Variants in RANBP2 observed in about 807,000 individuals in gnomAD.
RANBP2 encodes the protein E3 SUMO-protein ligase RanBP2.
A neutral mutation model predicts 303.6 loss-of-function variants in RANBP2; 57 were observed. The ratio of observed to expected loss-of-function variants is 0.19; its 90% CI spans 0.15 to 0.23. RANBP2 has a LOEUF of 0.23. Ranked by LOEUF, RANBP2 falls within the 10% of genes least tolerant of loss-of-function variation. The pLI is 1.00. For synonymous variants in RANBP2, 1,167 were observed against 1,301.5 expected (o/e 0.90, Z 2.23); for missense variants, 3,138 against 3,780.8 (o/e 0.83, Z 4.46).
At chr2:109,524,444 CA>C in the RANBP2 span, among the ~76,000 whole-genome samples, 18,062 of 84,432 alleles carry the variant, frequency 0.21, 1,300 homozygotes, top group Non-Finnish European at 0.25. Flanking sequence ...GACCCTGTCT[CA>C]AAAAAAAAAA....
At chr2:109,105,285 A>G in the RANBP2 span, among the ~76,000 whole-genome samples, 1 of 152,192 alleles carries the variant, frequency 6.6e-6, no homozygotes, top group Non-Finnish European at 1.5e-5. Flanking sequence ...TTGACTGGGA[A>G]GGGAAAAGTG....
the RANBP2 span, among the ~76,000 whole-genome samples, chr2:109,294,053 A>G: frequency 1.3e-5 from 2 of 152,136 alleles, no homozygotes; most frequent in East Asian, 3.9e-4. Flanking sequence ...CTCTGCCTGG[A>G]AAGTGACCTG....
chr2:109,615,111 C>G, the RANBP2 span: 4,844 of 1,549,820 alleles, frequency 3.1e-3, 130 homozygotes, highest in African/African-American at 0.059. Flanking sequence ...CCTCCGTGAC[C>G]TGGTGATGGG....
At chr2:109,760,784 G>A in the RANBP2 span, among the ~76,000 whole-genome samples, 1 of 141,152 alleles carries the variant, frequency 7.1e-6, no homozygotes, top group Non-Finnish European at 1.5e-5. Flanking sequence ...AAGTCCCCGT[G>A]CCGGCCGCTT....
At chr2:108,725,786 C>T (rs13411882) in intron 1 of RANBP2, among the ~76,000 whole-genome samples, 382 of 149,862 alleles carry the variant, frequency 2.5e-3, no homozygotes, top group African/African-American at 8.4e-3. Flanking sequence ...GTCCTGACTG[C>T]TGTGTATTAT....
chr2:109,307,687 T>C, the RANBP2 span, among the ~76,000 whole-genome samples: 1 of 147,058 alleles, frequency 6.8e-6, no homozygotes, highest in African/African-American at 2.6e-5. Context: ...GGTTTTTTGC[T>C]CTTGCGATAG....
chr2:109,147,752 C>T, the RANBP2 span, among the ~76,000 whole-genome samples: 1 of 152,148 alleles, frequency 6.6e-6, no homozygotes, highest in Non-Finnish European at 1.5e-5. Context: ...TAAATATTTA[C>T]GAAGTTAACA....
the RANBP2 span, among the ~76,000 whole-genome samples, chr2:109,627,059 T>C: frequency 6.6e-6 from 1 of 152,102 alleles, no homozygotes; most frequent in South Asian, 2.1e-4. Context: ...TCCAAGCTAC[T>C]TGGGAGGCTG....
chr2:109,283,733 C>T, the RANBP2 span, among the ~76,000 whole-genome samples: 1 of 152,202 alleles, frequency 6.6e-6, no homozygotes, highest in East Asian at 1.9e-4. Flanking sequence ...AATCGCTGGC[C>T]TGAGCCACAG....
chr2:109,530,098 C>T, the RANBP2 span, among the ~76,000 whole-genome samples: 1 of 152,206 alleles, frequency 6.6e-6, no homozygotes, highest in Non-Finnish European at 1.5e-5. Flanking sequence ...TGGCCCTCTC[C>T]CGCATAGAAG....
At chr2:109,009,319 G>A in the RANBP2 span, among the ~76,000 whole-genome samples, 30 of 151,914 alleles carry the variant, frequency 2.0e-4, no homozygotes, top group African/African-American at 4.8e-4. Flanking sequence ...CAGCCTGGGC[G>A]ACAGAGTGAG....
At chr2:108,816,038 TG>T in the RANBP2 span, 8 of 1,613,746 alleles carry the variant, frequency 5.0e-6, no homozygotes, top group Admixed American at 3.3e-5. Context: ...GAATCTGGAA[TG>T]GATGGTAAAA....
At chr2:109,378,069 C>A in the RANBP2 span, among the ~76,000 whole-genome samples, 1 of 152,196 alleles carries the variant, frequency 6.6e-6, no homozygotes, top group Admixed American at 6.5e-5. Context: ...CTGGGCCAGG[C>A]GGGATGTGTT....
At chr2:109,639,565 G>A in the RANBP2 span, among the ~76,000 whole-genome samples, 5 of 151,836 alleles carry the variant, frequency 3.3e-5, no homozygotes, top group African/African-American at 4.8e-5. Context: ...GTTGCAGTGA[G>A]CCGAGATTGC....
the RANBP2 span, among the ~76,000 whole-genome samples, chr2:109,656,494 T>C: frequency 6.6e-6 from 1 of 152,122 alleles, no homozygotes; most frequent in Non-Finnish European, 1.5e-5. Flanking sequence ...TGTGCCACCA[T>C]GTCCAGCTAA....
the RANBP2 span, among the ~76,000 whole-genome samples, chr2:109,661,229 G>A: frequency 6.8e-6 from 1 of 146,588 alleles, no homozygotes; most frequent in Non-Finnish European, 1.5e-5. Context: ...GGGCATGAGG[G>A]AGCATTAGTA....
the RANBP2 span, among the ~76,000 whole-genome samples, chr2:109,030,760 GTTGT>G: frequency 3.3e-5 from 5 of 152,046 alleles, no homozygotes; most frequent in African/African-American, 4.8e-5. Flanking sequence ...TGTTGTTGTT[GTTGT>G]TTGTTTGTTT....
chr2:109,097,315 A>AAAAACAAAAC, the RANBP2 span, among the ~76,000 whole-genome samples: 78 of 148,970 alleles, frequency 5.2e-4, no homozygotes, highest in Middle Eastern at 6.8e-3. Context: ...AAACAAAACA[A>AAAAACAAAAC]AAAACAAAAC....
chr2:109,242,126 T>C, the RANBP2 span, among the ~76,000 whole-genome samples: 5 of 152,076 alleles, frequency 3.3e-5, no homozygotes, highest in Non-Finnish European at 7.4e-5. Context: ...CTGTTTTCCC[T>C]GGTCATGGTG....
Sources: allele counts gnomAD v4.1 joint callset (sites outside exome capture counted in the v4.1 genomes callset), GRCh38; gene constraint gnomAD v4.1.1; transcripts MANE v1.5; gene names NCBI Gene and HGNC (gene_info 2026-07-23, HGNC 2026-07-21).